KSR2: variants seen among roughly 807,000 people sequenced by gnomAD.
The protein encoded by KSR2 is kinase suppressor of ras 2.
A neutral mutation model predicts 107.8 loss-of-function variants in KSR2; 25 were observed. The ratio of observed to expected loss-of-function variants is 0.23; its 90% CI spans 0.17 to 0.32. KSR2 has a LOEUF of 0.32. Ranked by LOEUF, KSR2 falls within the 10% of genes least tolerant of loss-of-function variation. The probability of loss-of-function intolerance (pLI) is 1.00; values close to 1 mark genes in which losing one functional copy is unlikely to be tolerated. For synonymous variants in KSR2, 480 were observed against 507.0 expected (o/e 0.95, Z 0.71); for missense variants, 887 against 1,268.9 (o/e 0.70, Z 4.57).
At chr12:117,671,992 G>A (rs1469647038) in intron 4 of KSR2, among the ~76,000 whole-genome samples, 1 of 152,238 alleles carries the variant, frequency 6.6e-6, no homozygotes, top group Admixed American at 6.5e-5. Flanking sequence ...GCTTGAGGGA[G>A]TCTAAGCATG....
rs544944048 is a variant in KSR2, at chr12:117,659,069, C to T, written c.1171+8405G>A. Among the ~76,000 whole-genome samples the T allele has an allele frequency of 1.2e-4, 19 of 152,218 alleles. No homozygotes were observed. The East Asian group carries it at 2.7e-3, about 22-fold the overall frequency. ...ACTGATGTTTTGAAATCAGCTGATG[C>T]TCAAGAGAGGGGTTACTGGGACAAA... On this transcript the variant is annotated intron_variant, in intron 5 of 19. Transcript: ENST00000339824.
rs191899112 is a variant in KSR2, at chr12:117,874,094, G to A, written c.181-13663C>T. Among the ~76,000 whole-genome samples the A allele has an allele frequency of 3.3e-4, 50 of 152,216 alleles. 1 individual carries two copies. Among genetic ancestry groups the A allele is most frequent in the African/African-American group, 1.1e-3 (46 of 41,524 alleles). ...AGATAAAGCTGATTCTTTCTTTACC[G>A]CAGAAGGCGGGAAAGGCACTGACCC... On this transcript the variant is annotated intron_variant, in intron 1 of 19. Transcript: ENST00000339824.
At chr12:117,761,574 AG>A (rs1889025478) in intron 3 of KSR2, 50 bp from the exon 4 acceptor site, 1 of 1,585,968 alleles carries the variant, frequency 6.3e-7, no homozygotes, top group Non-Finnish European at 8.6e-7. Flanking sequence ...TGAGAAAGCC[AG>A]GTGAGTTACA....
In KSR2 at chr12:117,504,012, C is replaced by A. The variant is rs181649207; in HGVS notation, c.2220-18321G>T. 8.4e-4 allele frequency among the ~76,000 whole-genome samples: 128 copies of A among 152,228 alleles called. 5 individuals carry two copies. In the East Asian group the frequency reaches 0.019, roughly 23 times the overall value. On this transcript the variant is annotated intron_variant, in intron 14 of 19. Transcript: ENST00000339824. The stretch of plus-strand genomic sequence containing the variant: ...TCTATTTGTACATAAATGGGCAGCA[C>A]AATGATTTTAAAAACCAACAGGCAA...
chr12:117,497,463 C>G (rs981080096), intron 14 of KSR2, among the ~76,000 whole-genome samples: 3 of 152,116 alleles, frequency 2.0e-5, no homozygotes, highest in African/African-American at 7.2e-5. Flanking sequence ...TAGCATAATA[C>G]TCCTTATCAA....
At chr12:117,840,101 TTTTA>T (rs1012338615) in intron 3 of KSR2, among the ~76,000 whole-genome samples, 3 of 96,192 alleles carry the variant, frequency 3.1e-5, no homozygotes, top group Non-Finnish European at 5.5e-5. Context: ...CTTTATTTTA[TTTTA>T]TTTTTTTTTT....
chr12:117,558,435 C>T (rs1485596498), intron 8 of KSR2, 71 bp downstream of exon 8: 1 of 1,204,710 alleles, frequency 8.3e-7, no homozygotes, highest in Non-Finnish European at 1.2e-6. Context: ...CCTGATGGGA[C>T]AGCTATGTGG....
At chr12:117,526,794 C>G (rs192724815) in intron 13 of KSR2, among the ~76,000 whole-genome samples, 2 of 152,332 alleles carry the variant, frequency 1.3e-5, no homozygotes, top group Admixed American at 1.3e-4. Flanking sequence ...GGTATTCACC[C>G]GGCCCTGAGC....
chr12:117,884,821 T>C (rs1359530685), intron 1 of KSR2, among the ~76,000 whole-genome samples: 3 of 151,978 alleles, frequency 2.0e-5, no homozygotes, highest in African/African-American at 7.3e-5. Context: ...GCACTAGAAT[T>C]CACCAGCCAT....
intron 14 of KSR2, 92 bp from the exon 15 acceptor site, chr12:117,485,783 A>T (rs368228134): frequency 1.2e-6 from 1 of 825,420 alleles, no homozygotes. Context: ...GATGGCATAG[A>T]CACGTGGACA....
rs547656450 is a variant in KSR2 at position 117,892,261 on chromosome 12, G to A, written c.181-31830C>T. On this transcript the variant is annotated intron_variant, in intron 1 of 19. Transcript: ENST00000339824. ...AGAGGTTGCAGTGAGCTGAGATCGC[G>A]CCACTGCACTCCAGTCTGGGCAACA... 1.1e-3 allele frequency among the ~76,000 whole-genome samples: 166 copies of A among 152,220 alleles called. 2 individuals carry two copies. The highest frequency in any genetic ancestry group is 3.5e-3 in the Admixed American group (54 of 15,284).
chr12:117,875,364 G>A (rs1893806924), intron 1 of KSR2, among the ~76,000 whole-genome samples: 1 of 145,950 alleles, frequency 6.9e-6, no homozygotes, highest in Non-Finnish European at 1.5e-5. Flanking sequence ...GAACGAAAGC[G>A]GAGTCCGTGA....
At chr12:117,871,203 G>A (rs12369523) in intron 1 of KSR2, among the ~76,000 whole-genome samples, 75,945 of 152,012 alleles carry the variant, frequency 0.5, 19,216 homozygotes, top group African/African-American at 0.56. Flanking sequence ...AGACCTAGAA[G>A]TGTCAAATAA....
chr12:117,899,168 C>T (rs1403020058), intron 1 of KSR2, among the ~76,000 whole-genome samples: 3 of 152,134 alleles, frequency 2.0e-5, no homozygotes, highest in East Asian at 1.9e-4. Flanking sequence ...TGGGATACAA[C>T]CGTGAAATAA....
chr12:117,504,007 C>A (rs568331567), intron 14 of KSR2, among the ~76,000 whole-genome samples: 1 of 152,310 alleles, frequency 6.6e-6, no homozygotes, highest in Non-Finnish European at 1.5e-5. Flanking sequence ...CATAAATGGG[C>A]AGCACAATGA....
intron 14 of KSR2, among the ~76,000 whole-genome samples, chr12:117,507,474 T>C (rs79774438): frequency 1.3e-5 from 2 of 152,304 alleles, no homozygotes; most frequent in East Asian, 3.9e-4. Flanking sequence ...AACAGCAACA[T>C]AAAGCCAAAT....
At chr12:117,600,458 G>A (rs948310554) in intron 5 of KSR2, among the ~76,000 whole-genome samples, 3 of 152,148 alleles carry the variant, frequency 2.0e-5, no homozygotes, top group Admixed American at 1.3e-4. Context: ...CCTGGACCAC[G>A]CCCTCCGTCT....
At chr12:117,634,264 C>T (rs964828862) in intron 5 of KSR2, among the ~76,000 whole-genome samples, 1 of 152,026 alleles carries the variant, frequency 6.6e-6, no homozygotes, top group African/African-American at 2.4e-5. Flanking sequence ...GAGGGAGCCT[C>T]GTTTAGAGGA....
intron 10 of KSR2, among the ~76,000 whole-genome samples, chr12:117,532,791 G>A (rs2137261234): frequency 6.6e-6 from 1 of 152,246 alleles, no homozygotes; most frequent in African/African-American, 2.4e-5. Context: ...CGGTGTTGGG[G>A]GCAGGGGACA....
Sources: allele counts gnomAD v4.1 joint callset (sites outside exome capture counted in the v4.1 genomes callset), GRCh38; gene constraint gnomAD v4.1.1; transcripts MANE v1.5; gene names NCBI Gene and HGNC (gene_info 2026-07-23, HGNC 2026-07-21).